C1QTNF1: variants seen among roughly 807,000 people sequenced by gnomAD.
C1QTNF1 encodes the protein C1q and TNF related 1, also known as complement C1q tumor necrosis factor-related protein 1.
In C1QTNF1, 22 loss-of-function variants were observed where a neutral mutation model predicts 27.8. That is an observed-to-expected ratio of 0.79 (90% confidence interval 0.56 to 1.13). C1QTNF1 has a LOEUF of 1.13. Among genes scored for constraint, C1QTNF1 ranks in the 50% most tolerant of loss-of-function variants. The pLI is 0.00. For synonymous variants in C1QTNF1, 166 were observed against 154.3 expected (o/e 1.08, Z -0.56); for missense variants, 373 against 380.2 (o/e 0.98, Z 0.16).
At chr17:79,032,751 GT>G (rs2072168666) in intron 1 of C1QTNF1, among the ~76,000 whole-genome samples, 1 of 152,166 alleles carries the variant, frequency 6.6e-6, no homozygotes, top group South Asian at 2.1e-4. Flanking sequence ...AAGGATATGA[GT>G]TAATTGGGGG....
chr17:79,041,878 C>T (rs765133771), intron 1 of C1QTNF1: 6 of 151,840 alleles, frequency 4.0e-5, no homozygotes, highest in East Asian at 1.9e-4. Flanking sequence ...ATGAGTAAGA[C>T]GTCGCGGTCA....
chr17:79,038,066 C>T (rs2072307279), intron 1 of C1QTNF1, among the ~76,000 whole-genome samples: 1 of 151,924 alleles, frequency 6.6e-6, no homozygotes, highest in African/African-American at 2.4e-5. Context: ...CTTGGCTCAC[C>T]ACAACCTCTG....
At chr17:79,030,297 T>C (rs1395463990) in intron 1 of C1QTNF1, among the ~76,000 whole-genome samples, 1 of 151,514 alleles carries the variant, frequency 6.6e-6, no homozygotes, top group Non-Finnish European at 1.5e-5. Flanking sequence ...GCCTGGTGGG[T>C]GGCCTTTGGG....
intron 1 of C1QTNF1, among the ~76,000 whole-genome samples, chr17:79,038,848 C>G (rs1356557189): frequency 6.6e-6 from 1 of 152,246 alleles, no homozygotes; most frequent in African/African-American, 2.4e-5. Flanking sequence ...AAATGATCAT[C>G]ATGTTATGAC....
chr17:79,037,766 T>C (rs2145908857), intron 1 of C1QTNF1, among the ~76,000 whole-genome samples: 1 of 152,166 alleles, frequency 6.6e-6, no homozygotes, highest in South Asian at 2.1e-4. Flanking sequence ...CTTCCTGGAC[T>C]CAGGTGATCC....
At chr17:79,031,672 G>C (rs1282100913) in intron 1 of C1QTNF1, among the ~76,000 whole-genome samples, 1 of 151,842 alleles carries the variant, frequency 6.6e-6, no homozygotes, top group African/African-American at 2.4e-5. Flanking sequence ...TTGAACTCCT[G>C]ACCTCAGGTG....
intron 2 of C1QTNF1, among the ~76,000 whole-genome samples, chr17:79,045,287 TGCTGGAG>T (rs947214201): frequency 6.6e-6 from 1 of 152,092 alleles, no homozygotes; most frequent in African/African-American, 2.4e-5. Context: ...TGAGACCCAG[TGCTGGAG>T]GCTGGAGGCT....
At chr17:79,038,281 C>T (rs568927923) in intron 1 of C1QTNF1, among the ~76,000 whole-genome samples, 14 of 152,336 alleles carry the variant, frequency 9.2e-5, no homozygotes, top group Admixed American at 4.6e-4. Context: ...TGAGCCACCG[C>T]GCCCGGCCGG....
In C1QTNF1 at chr17:79,047,971, G is replaced by A; in HGVS notation, c.729G>A (p.Gln243=). The change falls in exon 4 of 4, where the codon CAG becomes CAA. Residue 243 remains glutamine (Q), a synonymous_variant. Coordinates refer to ENST00000579760, the MANE Select transcript of C1QTNF1 (RefSeq NM_030968.5). ...SQSLMLELRE[Q]DQVWVRLYKG... is the part of the protein sequence containing the mutation. ...GCCTGATGCTGGAGCTGCGAGAGCAGGACCAGGTGTGGGTACGCCTCTACA... is the reference window on the plus strand; with the variant it reads ...GCCTGATGCTGGAGCTGCGAGAGCAAGACCAGGTGTGGGTACGCCTCTACA... 3 of 1,613,766 alleles carry A rather than the reference G, an allele frequency of 1.9e-6. No individual in the cohort carries two copies. Among genetic ancestry groups the A allele is most frequent in the Non-Finnish European group, 2.5e-6 (3 of 1,180,012 alleles).
rs139841744 is a variant in C1QTNF1 at position 79,047,916 on chromosome 17, T to G, written c.674T>G (p.Val225Gly). The G allele has an allele frequency of 6.2e-7, 1 of 1,613,932 alleles. No homozygotes were observed. The highest frequency in any genetic ancestry group is 1.3e-5 in the African/African-American group (1 of 74,900). Residue 225 changes from valine (V) to glycine (G), a missense_variant, in exon 4 of 4, where the codon GTG (valine) becomes GGG (glycine). By Grantham distance (109) the Val-to-Gly change is moderately radical. Coordinates refer to ENST00000579760, the MANE Select transcript of C1QTNF1 (RefSeq NM_030968.5). ...EEEVVILFAQ[V>G]GDRSIMQSQS... Reference sequence around the variant, plus strand: ...GAGGTGGTGATCTTGTTCGCGCAGGTGGGCGACCGCAGCATCATGCAAAGC... The same window carrying G: ...GAGGTGGTGATCTTGTTCGCGCAGGGGGGCGACCGCAGCATCATGCAAAGC...
chr17:79,030,837 G>A (rs2072121317), intron 1 of C1QTNF1, among the ~76,000 whole-genome samples: 1 of 151,868 alleles, frequency 6.6e-6, no homozygotes, highest in African/African-American at 2.4e-5. Context: ...CTGACCTCAA[G>A]CGATCCGCCT....
upstream of C1QTNF1, among the ~76,000 whole-genome samples, chr17:79,023,704 G>GCGCGCGCACACACACACACACA (rs1267428917): frequency 8.3e-4 from 120 of 145,022 alleles, 1 homozygote; most frequent in African/African-American, 2.3e-3. Context: ...GCGCGCGCGC[G>GCGCGCGCACACACACACACACA]CACACACACA....
chr17:79,045,121 G>A (rs776132921), intron 2 of C1QTNF1, among the ~76,000 whole-genome samples: 3 of 152,146 alleles, frequency 2.0e-5, no homozygotes, highest in Non-Finnish European at 4.4e-5. Context: ...AGGGAGGAGC[G>A]GGTCCCAGGA....
In C1QTNF1 at chr17:79,046,446, A is replaced by C; in HGVS notation, c.156-109A>C. The C allele has an allele frequency of 6.9e-7, 1 of 1,448,026 alleles. No individual in the cohort carries two copies. The highest frequency in any genetic ancestry group is 9.5e-7 in the Non-Finnish European group (1 of 1,048,234). 89.7% of individuals were successfully genotyped at this position (1,448,026 alleles called of 1,614,324 possible). A position where few individuals can be genotyped will look rare whatever the true frequency, so the allele number is the denominator to read the frequency against. On this transcript the variant is annotated intron_variant, in intron 2 of 3. Transcript: ENST00000579760. The surrounding 1 kb of genome is among the most constrained non-coding windows in gnomAD (Gnocchi z 4.8). ...ACACAGAGCCTTGTGGGTCCAGGTG[A>C]GAGAGTGAGAAGGCAGGTCAGGCAT...
At chr17:79,030,932 C>G (rs147650719) in intron 1 of C1QTNF1, among the ~76,000 whole-genome samples, 2 of 150,846 alleles carry the variant, frequency 1.3e-5, no homozygotes, top group East Asian at 4.0e-4. Context: ...AAATATTCAC[C>G]TATTTACAGA....
intron 1 of C1QTNF1, among the ~76,000 whole-genome samples, chr17:79,043,058 G>A (rs372298189): frequency 6.9e-6 from 1 of 144,532 alleles, no homozygotes; most frequent in African/African-American, 2.9e-5. Context: ...GCATGTGTGG[G>A]TTGCATGTGT....
chr17:79,043,453 ATG>A lies in C1QTNF1; in HGVS notation c.-14-496_-14-495del. On this transcript the variant is annotated intron_variant, in intron 1 of 3. Coordinates refer to ENST00000579760, the MANE Select transcript of C1QTNF1 (RefSeq NM_030968.5). The stretch of plus-strand genomic sequence containing the variant: ...GTGTGCATGTGAGCGTGTGGATTCC[ATG>A]TGTGTTAAGAGTGTGCATATGGGTG... 6.6e-6 allele frequency: 3 copies of A among 451,708 alleles called. 1 individual carries two copies. Among genetic ancestry groups the A allele is most frequent in the South Asian group, 3.1e-5 (2 of 64,308 alleles). 28.0% of individuals were successfully genotyped at this position (451,708 alleles called of 1,614,324 possible).
At position 79,046,431 on chromosome 17, in the gene C1QTNF1, T is replaced by G; in HGVS notation, c.156-124T>G. 7.4e-7 allele frequency: 1 copy of G among 1,353,008 alleles called. No individual in the cohort carries two copies. The highest frequency in any genetic ancestry group is 1.0e-6 in the Non-Finnish European group (1 of 971,204). The allele number at this position is 1,353,008 out of a possible 1,614,324, so 83.8% of individuals were successfully genotyped here. On this transcript the variant is annotated intron_variant, in intron 2 of 3. Coordinates refer to ENST00000579760, the MANE Select transcript of C1QTNF1 (RefSeq NM_030968.5). This position sits in a 1 kb window ranked among gnomAD's most constrained non-coding sequence, Gnocchi z 4.8. ...AGCCCACCAGCGTGAACACAGAGCC[T>G]TGTGGGTCCAGGTGAGAGAGTGAGA... is the stretch of plus-strand genomic sequence containing the variant.
chr17:79,046,837 C>G lies in C1QTNF1; in HGVS notation c.295+143C>G. On this transcript the variant is annotated intron_variant, in intron 3 of 3. Transcript: ENST00000579760. This position sits in a 1 kb window ranked among gnomAD's most constrained non-coding sequence, Gnocchi z 4.8. Reference sequence around the variant, plus strand: ...GGAGCAGAGGCAGGCAGGCTGTCATCTAGAGGGGAAGGCACAGGAAATTCT... The same window carrying G: ...GGAGCAGAGGCAGGCAGGCTGTCATGTAGAGGGGAAGGCACAGGAAATTCT... 9.0e-7 allele frequency: 1 copy of G among 1,109,168 alleles called. No individual in the cohort carries two copies. Among genetic ancestry groups the G allele is most frequent in the Non-Finnish European group, 1.3e-6 (1 of 788,184 alleles). 68.7% of individuals were successfully genotyped at this position (1,109,168 alleles called of 1,614,324 possible). A position where few individuals can be genotyped will look rare whatever the true frequency, so the allele number is the denominator to read the frequency against.
Sources: gnomAD v4.1 joint callset for allele counts (sites outside exome capture counted in the v4.1 genomes callset) on GRCh38, gnomAD v4.1.1 for gene constraint, Gnocchi (gnomAD v3.1) non-coding constraint, MANE v1.5 for transcripts, NCBI Gene and HGNC (gene_info 2026-07-23, HGNC 2026-07-21) for gene names.